Variants in PRKCH observed in about 807,000 individuals in gnomAD.
PRKCH encodes the protein protein kinase C eta type.
Under a neutral mutation model 82.5 loss-of-function variants are expected in PRKCH, and 28 were observed. That is an observed-to-expected ratio of 0.34 (90% CI 0.25 to 0.47). The LOEUF (loss-of-function observed/expected upper bound fraction) is 0.47, where lower values mean the gene tolerates loss of function less well. Ranked by LOEUF, PRKCH falls within the 20% of genes least tolerant of loss-of-function variation. The probability of loss-of-function intolerance (pLI) is 1.00; values close to 1 mark genes in which losing one functional copy is unlikely to be tolerated. For synonymous variants in PRKCH, 322 were observed against 327.4 expected (o/e 0.98, Z 0.18); for missense variants, 705 against 881.8 (o/e 0.80, Z 2.54).
chr14:61,457,678 C>T lies in PRKCH; in HGVS notation c.1277C>T (p.Pro426Leu), dbSNP rs775801472. 1 of 1,613,938 alleles carries T rather than the reference C, an allele frequency of 6.2e-7. No homozygotes were observed. The highest frequency in any genetic ancestry group is 1.3e-5 in the African/African-American group (1 of 75,028). ...CAGTTGTTCTGCTGCTTTCAGACCC[C>T]CGTAAGTATGAATCACATTCACTGC... ...LTQLFCCFQT[P>L]DRLFFVMEFV... is the part of the protein sequence containing the mutation. The change falls in exon 9 of 14, where the codon CCC becomes CTC. Residue 426 changes from proline to leucine, a missense_variant and splice_region_variant. By Grantham distance (98) the Pro-to-Leu change is moderately conservative. This residue lies in a region of PRKCH where 238 missense variants were observed against 258.1 expected (regional missense o/e 0.92). Coordinates refer to ENST00000332981, the MANE Select transcript of PRKCH (RefSeq NM_006255.5).
intron 2 of PRKCH, chr14:61,442,483 A>C (rs1392707142): frequency 6.6e-6 from 1 of 152,284 alleles, no homozygotes; most frequent in Non-Finnish European, 1.5e-5. Context: ...GAGGTCACAG[A>C]CAGCCAGACT....
chr14:61,348,036 G>A (rs1013224667), intron 1 of PRKCH: 6 of 152,224 alleles, frequency 3.9e-5, no homozygotes, highest in African/African-American at 1.4e-4. Context: ...GGAATGCCCC[G>A]GTTCCTTTCC....
intron 1 of PRKCH, among the ~76,000 whole-genome samples, chr14:61,339,730 A>G (rs1594927359): frequency 7.3e-6 from 1 of 137,698 alleles, no homozygotes; most frequent in East Asian, 2.5e-4. Flanking sequence ...CATCCAGGCC[A>G]GAGTGCAGTG....
intron 1 of PRKCH, among the ~76,000 whole-genome samples, chr14:61,296,079 C>A (rs748064645): frequency 1.3e-5 from 2 of 152,174 alleles, no homozygotes; most frequent in Non-Finnish European, 2.9e-5. Flanking sequence ...CACATCATAA[C>A]ATGTTAGAGG....
intron 12 of PRKCH, among the ~76,000 whole-genome samples, chr14:61,535,646 A>C (rs1241855952): frequency 6.6e-6 from 1 of 152,258 alleles, no homozygotes; most frequent in Non-Finnish European, 1.5e-5. Context: ...GAAGGAGTCT[A>C]CACTTTATCT....
chr14:61,265,295 A>G (rs997634781), intron 1 of PRKCH, among the ~76,000 whole-genome samples: 4 of 152,100 alleles, frequency 2.6e-5, no homozygotes, highest in Non-Finnish European at 5.9e-5. Flanking sequence ...AGCTTGGGCA[A>G]CATACTGAAA....
chr14:61,518,006 G>C (rs1027829892), intron 10 of PRKCH, among the ~76,000 whole-genome samples: 3 of 152,178 alleles, frequency 2.0e-5, no homozygotes, highest in African/African-American at 7.2e-5. Flanking sequence ...AGGAAGCAAA[G>C]CCGACCCAGT....
At chr14:61,315,168 T>C (rs1282099014) in intron 1 of PRKCH, among the ~76,000 whole-genome samples, 7 of 152,188 alleles carry the variant, frequency 4.6e-5, no homozygotes. Flanking sequence ...CAGAAATGGA[T>C]ATAGACAGGC....
At chr14:61,348,752 C>G (rs1288747530) in intron 1 of PRKCH, among the ~76,000 whole-genome samples, 1 of 152,252 alleles carries the variant, frequency 6.6e-6, no homozygotes, top group Non-Finnish European at 1.5e-5. Context: ...CTCCCTCCAT[C>G]TTTCCACCCC....
chr14:61,417,000 C>G (rs528270403), intron 2 of PRKCH, among the ~76,000 whole-genome samples: 21 of 152,080 alleles, frequency 1.4e-4, no homozygotes, highest in African/African-American at 5.1e-4. Flanking sequence ...AAATTGCCAC[C>G]CAACATTGTT....
chr14:61,357,235 A>T (rs2046162571), intron 1 of PRKCH, among the ~76,000 whole-genome samples: 7 of 152,132 alleles, frequency 4.6e-5, no homozygotes, highest in Admixed American at 3.9e-4. Flanking sequence ...CTCCCATGCT[A>T]TTTAACGATT....
chr14:61,383,989 G>A (rs538319134), intron 1 of PRKCH, among the ~76,000 whole-genome samples: 3 of 152,236 alleles, frequency 2.0e-5, no homozygotes, highest in East Asian at 1.9e-4. Flanking sequence ...GGAGACCAGC[G>A]GAGGCTTTAG....
intron 9 of PRKCH, among the ~76,000 whole-genome samples, chr14:61,477,855 C>G (rs549070907): frequency 2.6e-5 from 4 of 152,232 alleles, no homozygotes; most frequent in Admixed American, 6.5e-5. Flanking sequence ...CCTCTATACC[C>G]TTGTCCCACA....
chr14:61,542,704 A>G (rs939352652), intron 12 of PRKCH, among the ~76,000 whole-genome samples: 1 of 152,142 alleles, frequency 6.6e-6, no homozygotes, highest in African/African-American at 2.4e-5. Flanking sequence ...GCAGCTTTCT[A>G]TCTGTGCCCC....
intron 1 of PRKCH, among the ~76,000 whole-genome samples, chr14:61,344,718 G>T (rs1164063737): frequency 2.0e-5 from 3 of 152,066 alleles, no homozygotes; most frequent in Admixed American, 1.3e-4. Context: ...GATGAATCCT[G>T]ACCCTGCTGA....
intron 1 of PRKCH, among the ~76,000 whole-genome samples, chr14:61,328,453 G>GC (rs898110759): frequency 5.4e-5 from 7 of 130,814 alleles, no homozygotes; most frequent in African/African-American, 2.0e-4. Flanking sequence ...TAAAGTCAGG[G>GC]CAGAAGCAAG....
chr14:61,280,366 G>C lies in PRKCH; in HGVS notation c.-19+92698G>C, dbSNP rs1325864515. 4 of 1,613,874 alleles carry C rather than the reference G, an allele frequency of 2.5e-6. No homozygotes were observed. Among genetic ancestry groups the C allele is most frequent in the African/African-American group, 1.3e-5 (1 of 74,944 alleles). Reference sequence around the variant, plus strand: ...GATGCGCGCGTACAGTTTGCGGAACGTGGGCAGCGCCGCCGTGCGCATCCA... The same window carrying C: ...GATGCGCGCGTACAGTTTGCGGAACCTGGGCAGCGCCGCCGTGCGCATCCA... On this transcript the variant is annotated intron_variant, in intron 1 of 3. Transcript: ENST00000555185. This position sits in a 1 kb window ranked among gnomAD's most constrained non-coding sequence, Gnocchi z 5.0.
At chr14:61,520,252 C>T (rs1397652079) in intron 10 of PRKCH, among the ~76,000 whole-genome samples, 12 of 152,120 alleles carry the variant, frequency 7.9e-5, no homozygotes. Flanking sequence ...TGTTTTTCCT[C>T]ATCTCCTTTT....
intron 10 of PRKCH, among the ~76,000 whole-genome samples, chr14:61,508,147 A>C (rs897601420): frequency 2.6e-5 from 4 of 152,090 alleles, no homozygotes; most frequent in Non-Finnish European, 4.4e-5. Flanking sequence ...CCCAGCCTTT[A>C]ACATGGCAAT....
Sources: gnomAD v4.1 joint callset for allele counts (sites outside exome capture counted in the v4.1 genomes callset) on GRCh38, gnomAD v4.1.1 for gene constraint, gnomAD v4.1.1 regional missense constraint, Gnocchi (gnomAD v3.1) non-coding constraint, MANE v1.5 for transcripts, NCBI Gene and HGNC (gene_info 2026-07-23, HGNC 2026-07-21) for gene names.